The following EXT1 variants were observed in gnomAD, a reference collection of about 807,000 sequenced individuals.
EXT1 encodes exostosin-1.
A neutral mutation model predicts 82.5 loss-of-function variants in EXT1; 20 were observed. The observed-to-expected ratio is 0.24, with a 90% CI of 0.17 to 0.35. The LOEUF is 0.35. Ranked by LOEUF, EXT1 falls within the 10% of genes least tolerant of loss-of-function variation. The pLI, the probability that EXT1 is intolerant of heterozygous loss-of-function variation, is 1.00. For synonymous variants in EXT1, 348 were observed against 350.8 expected, an observed-to-expected ratio of 0.99 and a Z score of 0.09; for missense variants, 757 against 936.5, an observed-to-expected ratio of 0.81 and a Z score of 2.50.
chr8:117,860,104 G>T (rs774300401), intron 1 of EXT1, among the ~76,000 whole-genome samples: 20 of 129,776 alleles, frequency 1.5e-4, no homozygotes, highest in Non-Finnish European at 3.1e-4. Context: ...CTGAGATCAC[G>T]CTACTGCCCT....
At chr8:117,809,825 T>C (rs1482806909) in intron 8 of EXT1, among the ~76,000 whole-genome samples, 1 of 152,130 alleles carries the variant, frequency 6.6e-6, no homozygotes, top group Non-Finnish European at 1.5e-5. Context: ...TGGAGACAAC[T>C]GATGGGACAG....
At chr8:117,953,597 G>T (rs1287284947) in intron 1 of EXT1, among the ~76,000 whole-genome samples, 1 of 151,958 alleles carries the variant, frequency 6.6e-6, no homozygotes, top group Non-Finnish European at 1.5e-5. Flanking sequence ...CCAAATTACT[G>T]AGAGTGAATG....
At chr8:118,040,424 G>A (rs1489886345) in intron 1 of EXT1, among the ~76,000 whole-genome samples, 1 of 152,162 alleles carries the variant, frequency 6.6e-6, no homozygotes, top group African/African-American at 2.4e-5. Flanking sequence ...TATCTCCTGT[G>A]CTTTGTCTAT....
At chr8:117,923,052 C>T (rs531440362) in intron 1 of EXT1, among the ~76,000 whole-genome samples, 3 of 151,764 alleles carry the variant, frequency 2.0e-5, no homozygotes, top group Admixed American at 6.6e-5. Flanking sequence ...CTGCCAGGCA[C>T]GGTGGCTTGT....
intron 1 of EXT1, among the ~76,000 whole-genome samples, chr8:117,838,094 C>T (rs7842237): frequency 6.6e-6 from 1 of 152,182 alleles, no homozygotes. Flanking sequence ...CATTCCTACA[C>T]AGGCAGTTTC....
At position 117,815,034 on chromosome 8, in the gene EXT1, G is replaced by T. The variant is rs147725566; in HGVS notation, c.1633-2073C>A. Among the ~76,000 whole-genome samples the T allele has an allele frequency of 6.6e-5, 10 of 152,316 alleles. No homozygotes were observed. The East Asian group carries it at 1.9e-3, about 29-fold the overall frequency. On this transcript the variant is annotated intron_variant, in intron 7 of 10. Transcript: ENST00000378204. ...ATCTGTCAACTGGGTCAAGTTTTTT[G>T]TTGTTGTTGTTTTCTTTCTCAGGCT...
intron 1 of EXT1, among the ~76,000 whole-genome samples, chr8:118,019,246 TGAAAGAAAGAAA>T (rs58914414): frequency 0.041 from 5,956 of 145,714 alleles, 417 homozygotes; most frequent in African/African-American, 0.14. Context: ...GCAGTACGAT[TGAAAGAAAGAAA>T]GAAAGAAAGA....
At chr8:117,854,980 A>C (rs1812517739) in intron 1 of EXT1, among the ~76,000 whole-genome samples, 1 of 152,242 alleles carries the variant, frequency 6.6e-6, no homozygotes, top group South Asian at 2.1e-4. Context: ...TGCCCATTGC[A>C]ATGAGTAATT....
In EXT1 at chr8:117,975,034, G is replaced by A. The variant is rs925722902; in HGVS notation, c.962+135051C>T. ...AGTCTTTGGGAACCTGTACTTTCAC[G>A]TTAGGAGGTTACAGACTTATTCCAA... On this transcript the variant is annotated intron_variant, in intron 1 of 10. Transcript: ENST00000378204. Among the ~76,000 whole-genome samples, 6 of 152,140 alleles carry A rather than the reference G, an allele frequency of 3.9e-5. No individual in the cohort carries two copies. The East Asian group carries it at 9.6e-4, about 24-fold the overall frequency.
At chr8:117,909,601 G>A (rs1362531255) in intron 1 of EXT1, among the ~76,000 whole-genome samples, 1 of 152,122 alleles carries the variant, frequency 6.6e-6, no homozygotes, top group Non-Finnish European at 1.5e-5. Context: ...TTGAGAAGGA[G>A]GGCCCGACAT....
rs1221842565 is a variant in EXT1 at position 117,851,608 on chromosome 8, T to C, written c.963-14407A>G. 3.0e-5 allele frequency among the ~76,000 whole-genome samples: 3 copies of C among 99,924 alleles called. No individual in the cohort carries two copies. In the Admixed American group the frequency reaches 3.8e-4, roughly 13 times the overall value. 65.6% of individuals were successfully genotyped at this position (99,924 alleles called of 152,430 possible). A position where few individuals can be genotyped will look rare whatever the true frequency, so the allele number is the denominator to read the frequency against. ...TAAATGATCTAAGAAAGCAGTGCAA[T>C]TTAGCTGGACACACACACACACACA... On this transcript the variant is annotated intron_variant, in intron 1 of 10. Coordinates refer to ENST00000378204, the MANE Select transcript of EXT1 (RefSeq NM_000127.3).
intron 1 of EXT1, among the ~76,000 whole-genome samples, chr8:118,046,928 T>G (rs1331137059): frequency 6.6e-6 from 1 of 152,120 alleles, no homozygotes; most frequent in Non-Finnish European, 1.5e-5. Context: ...CTGAAAATAA[T>G]TTTGAAGAAA....
intron 1 of EXT1, among the ~76,000 whole-genome samples, chr8:117,862,547 G>A (rs1563583610): frequency 6.9e-6 from 1 of 145,414 alleles, no homozygotes; most frequent in East Asian, 1.9e-4. Flanking sequence ...TCAGTGAGTC[G>A]CTTATTCTTA....
intron 1 of EXT1, among the ~76,000 whole-genome samples, chr8:118,089,419 G>A (rs968116086): frequency 3.9e-4 from 60 of 152,302 alleles, no homozygotes; most frequent in African/African-American, 1.4e-3. Context: ...ACATGGAATC[G>A]TGTTTGATAT....
chr8:118,096,825 C>G (rs999294056), intron 1 of EXT1, among the ~76,000 whole-genome samples: 1 of 152,178 alleles, frequency 6.6e-6, no homozygotes, highest in Non-Finnish European at 1.5e-5. Context: ...ACACAATGAA[C>G]TTGGAGTAGG....
At chr8:118,008,477 TC>T (rs1284710435) in intron 1 of EXT1, among the ~76,000 whole-genome samples, 1 of 152,052 alleles carries the variant, frequency 6.6e-6, no homozygotes, top group Non-Finnish European at 1.5e-5. Context: ...GCCAGGCTGG[TC>T]TCGAACTAGG....
At chr8:118,109,124 C>G (rs1320044391) in intron 1 of EXT1, among the ~76,000 whole-genome samples, 2 of 152,094 alleles carry the variant, frequency 1.3e-5, no homozygotes, top group Non-Finnish European at 2.9e-5. Context: ...CTCCAAATCC[C>G]GTGTCAGTTA....
chr8:117,844,611 G>A (rs1289387742), intron 1 of EXT1, among the ~76,000 whole-genome samples: 2 of 152,154 alleles, frequency 1.3e-5, no homozygotes, highest in Non-Finnish European at 2.9e-5. Context: ...TCAATTAGGA[G>A]ACTTGAAAAC....
chr8:117,979,256 A>G (rs1025299739), intron 1 of EXT1, among the ~76,000 whole-genome samples: 5 of 152,052 alleles, frequency 3.3e-5, no homozygotes, highest in African/African-American at 1.2e-4. Context: ...CGGGAGGCTG[A>G]GGCAGAAGAA....
Sources: allele counts gnomAD v4.1 joint callset (sites outside exome capture counted in the v4.1 genomes callset), GRCh38; gene constraint gnomAD v4.1.1; transcripts MANE v1.5; gene names NCBI Gene and HGNC (gene_info 2026-07-23, HGNC 2026-07-21).